The following CRB2 variants were observed in gnomAD, a reference collection of about 807,000 sequenced individuals.
The protein encoded by CRB2 is protein crumbs homolog 2.
CRB2 carries 85 observed loss-of-function variants against 110.9 expected under a neutral mutation model. The observed-to-expected ratio is 0.77, with a 90% CI of 0.64 to 0.92. CRB2 has a LOEUF of 0.92. Among genes scored for constraint, CRB2 ranks in the 40% least tolerant of loss-of-function variants. The pLI is 0.00. For synonymous variants in CRB2, 907 were observed against 831.0 expected (o/e 1.09, Z -1.57); for missense variants, 1,843 against 1,851.3 (o/e 1.00, Z 0.08).
chr9:123,374,561 C>A lies in CRB2; in HGVS notation c.3390-18C>A, dbSNP rs2042073984. 3.8e-6 allele frequency: 6 copies of A among 1,593,326 alleles called. No individual in the cohort carries two copies. In the East Asian group the frequency reaches 1.1e-4, roughly 30 times the overall value. On this transcript the variant is annotated intron_variant, in intron 10 of 12. Coordinates refer to ENST00000373631, the MANE Select transcript of CRB2 (RefSeq NM_173689.7). Reference sequence around the variant, plus strand: ...CCCAGGTGTCCTGCACCCACTCCAGCCTCTGCTCTCTCCCCAGGTTGCCTG... The same window carrying A: ...CCCAGGTGTCCTGCACCCACTCCAGACTCTGCTCTCTCCCCAGGTTGCCTG...
intron 6 of CRB2, among the ~76,000 whole-genome samples, chr9:123,369,563 A>G (rs371223336): frequency 6.6e-6 from 1 of 152,144 alleles, no homozygotes; most frequent in South Asian, 2.1e-4. Context: ...CAGTATGAGC[A>G]AAGCCCCAGA....
Position 123,357,463 on chromosome 9 carries a change from C to T in CRB2, c.94+1109C>T, listed in dbSNP as rs114416084. 4.5e-3 allele frequency among the ~76,000 whole-genome samples: 687 copies of T among 152,216 alleles called. 6 individuals are homozygous for T. Among genetic ancestry groups the T allele is most frequent in the African/African-American group, 0.013 (560 of 41,522 alleles). ...CCCACCTGGGGACCCTCATGTTTCC[C>T]GCACTCACAAAGCTTTCATTTCCTA... On this transcript the variant is annotated intron_variant, in intron 1 of 12. Coordinates refer to ENST00000373631, the MANE Select transcript of CRB2 (RefSeq NM_173689.7).
rs1588206528 is a variant in CRB2, at chr9:123,363,249, G to A, written c.418+61G>A. The A allele has an allele frequency of 2.4e-5, 36 of 1,498,318 alleles. No homozygotes were observed. In the East Asian group the frequency reaches 7.8e-4, roughly 33 times the overall value. 92.8% of individuals were successfully genotyped at this position (1,498,318 alleles called of 1,614,324 possible). A position where few individuals can be genotyped will look rare whatever the true frequency, so the allele number is the denominator to read the frequency against. On this transcript the variant is annotated intron_variant, in intron 2 of 12. Coordinates refer to ENST00000373631, the MANE Select transcript of CRB2 (RefSeq NM_173689.7). The stretch of plus-strand genomic sequence containing the variant: ...ATGCAGATCGCATCAGCTGCTCAGA[G>A]TGTAAGCATCATGGCTTCAGCTTTG...
intron 6 of CRB2, 73 bp downstream of exon 6, chr9:123,367,759 G>A: frequency 2.0e-6 from 2 of 999,960 alleles, no homozygotes; most frequent in Non-Finnish European, 1.5e-6. Flanking sequence ...CTTCTGTCTG[G>A]ATGTGTGGAT....
In CRB2 at chr9:123,366,016, C is replaced by T. The variant is rs769325772; in HGVS notation, c.518C>T (p.Ala173Val). The T allele has an allele frequency of 8.5e-5, 136 of 1,593,152 alleles. No individual in the cohort carries two copies. The highest frequency in any genetic ancestry group is 1.1e-4 in the Non-Finnish European group (133 of 1,177,066). ...GTGGGCTCCTTCCGCTGTGTGTGCG[C>T]GCCAGGCTACGGGGGCACCCGTTGC... ...DGVGSFRCVC[A>V]PGYGGTRCQL... Residue 173 changes from alanine (A) to valine (V), a missense_variant, in exon 3 of 13, where the codon GCG (alanine) becomes GTG (valine). Physicochemically the swap from Ala to Val is moderately conservative, Grantham distance 64. Transcript: ENST00000373631.
rs897580232 is a variant in CRB2, at chr9:123,373,760, G to A, written c.3229G>A (p.Ala1077Thr). The change falls in exon 10 of 13, where the codon GCC (alanine) becomes ACC (threonine). Residue 1077 changes from alanine to threonine, a missense_variant. Transcript: ENST00000373631. Reference protein sequence around the residue: ...HDGACRDLFDAFACACGPGWE... With the variant: ...HDGACRDLFDTFACACGPGWE... ...CGGTGCCTGCCGTGACCTCTTCGAC[G>A]CCTTTGCCTGCGCCTGCGGCCCGGG... is the stretch of plus-strand genomic sequence containing the variant. 13 of 1,590,240 alleles carry A rather than the reference G, an allele frequency of 8.2e-6. No homozygotes were observed. The highest frequency in any genetic ancestry group is 3.3e-5 in the South Asian group (3 of 89,928).
In CRB2 at chr9:123,366,516, C is replaced by T. The variant is rs991026890; in HGVS notation, c.754+150C>T. 19 of 1,030,322 alleles carry T rather than the reference C, an allele frequency of 1.8e-5. No homozygotes were observed. The African/African-American group carries it at 3.1e-4, about 17-fold the overall frequency. The allele number at this position is 1,030,322 out of a possible 1,614,324, so 63.8% of individuals were successfully genotyped here. ...GTGTGTGATTGCAACCTGTCGGAGC[C>T]TCAGTTTCCTGATCTACAAAATAGG... On this transcript the variant is annotated intron_variant, in intron 4 of 12. Transcript: ENST00000373631.
intron 8 of CRB2, 63 bp from the exon 9 acceptor site, chr9:123,372,114 C>A: frequency 3.9e-6 from 6 of 1,528,096 alleles, no homozygotes; most frequent in Non-Finnish European, 5.4e-6. Context: ...CACTGCAATG[C>A]CAGTTATGGT....
Position 123,375,198 on chromosome 9 carries a change from AG to A in CRB2, c.3507-18del. On this transcript the variant is annotated intron_variant, in intron 11 of 12. Transcript: ENST00000373631. The stretch of plus-strand genomic sequence containing the variant: ...CAGCCATGGGGGAAGCCGCTTTCTC[AG>A]CCCCCCTCCCTCTCCAGGTGTCAGG... The A allele has an allele frequency of 6.2e-7, 1 of 1,611,138 alleles. No individual in the cohort carries two copies. The highest frequency in any genetic ancestry group is 8.5e-7 in the Non-Finnish European group (1 of 1,178,984).
In CRB2 at chr9:123,373,130, G is replaced by A. The variant is rs1564376612; in HGVS notation, c.2603-4G>A. On this transcript the variant is annotated splice_region_variant and splice_polypyrimidine_tract_variant and intron_variant, in intron 9 of 12. Coordinates refer to ENST00000373631, the MANE Select transcript of CRB2 (RefSeq NM_173689.7). Reference sequence around the variant, plus strand: ...CTATTCCCTGAGGCTCCTTCTCTCCGCAGGTGTGGCGGAGGCCACGTTCCG... The same window carrying A: ...CTATTCCCTGAGGCTCCTTCTCTCCACAGGTGTGGCGGAGGCCACGTTCCG... The A allele has an allele frequency of 5.3e-6, 8 of 1,497,328 alleles. No individual in the cohort carries two copies. Among genetic ancestry groups the A allele is most frequent in the East Asian group, 2.8e-5 (1 of 35,798 alleles). The allele number at this position is 1,497,328 out of a possible 1,614,324, so 92.8% of individuals were successfully genotyped here.
At chr9:123,375,946 G>C (rs961916075) in intron 12 of CRB2, among the ~76,000 whole-genome samples, 2 of 152,088 alleles carry the variant, frequency 1.3e-5, no homozygotes, top group South Asian at 2.1e-4. Flanking sequence ...GCTTGGAAGG[G>C]AAGTCTGGGG....
In CRB2 at chr9:123,363,140, C is replaced by T. The variant is rs148573710; in HGVS notation, c.370C>T (p.Arg124Cys). ...SRPCHHGATCRNLADRYECHC... is the reference protein window; with the variant it reads ...SRPCHHGATCCNLADRYECHC... ...GCCGTGCCACCATGGGGCCACCTGC[C>T]GCAACCTGGCCGATCGCTACGAGTG... Residue 124 changes from arginine to cysteine, a missense_variant, in exon 2 of 13, where the codon CGC becomes TGC. Arg to Cys is a radical substitution (Grantham distance 180). Coordinates refer to ENST00000373631, the MANE Select transcript of CRB2 (RefSeq NM_173689.7). 81 of 1,610,826 alleles carry T rather than the reference C, an allele frequency of 5.0e-5. No individual in the cohort carries two copies. The highest frequency in any genetic ancestry group is 6.3e-5 in the Non-Finnish European group (74 of 1,179,248).
chr9:123,363,251 G>GT (rs775858166), intron 2 of CRB2, 63 bp downstream of exon 2: 43 of 1,493,064 alleles, frequency 2.9e-5, no homozygotes, highest in Non-Finnish European at 3.8e-5. Context: ...TGCTCAGAGT[G>GT]TAAGCATCAT....
rs143634998 is a variant in CRB2 at position 123,374,631 on chromosome 9, A to G, written c.3442A>G (p.Ser1148Gly). Residue 1148 changes from serine to glycine, a missense_variant, in exon 11 of 13, where the codon AGC (serine) becomes GGC (glycine). Transcript: ENST00000373631. ...CCTGAATGTCACCTGCCTCGATGGC[A>G]GCCCATGTGAGGGTGGCTCTCCCGC... Reference protein sequence around the residue: ...CSLNVTCLDGSPCEGGSPAAN... With the variant: ...CSLNVTCLDGGPCEGGSPAAN... 70 of 1,613,196 alleles carry G rather than the reference A, an allele frequency of 4.3e-5. No homozygotes were observed. The highest frequency in any genetic ancestry group is 8.3e-5 in the Admixed American group (5 of 59,980).
intron 1 of CRB2, 85 bp downstream of exon 1, chr9:123,356,439 TG>T: frequency 9.0e-7 from 1 of 1,114,488 alleles, no homozygotes. Context: ...GCTGGGGTGG[TG>T]GGTGGGCTGG....
intron 1 of CRB2, among the ~76,000 whole-genome samples, chr9:123,361,588 G>A (rs1209320595): frequency 8.9e-6 from 1 of 111,878 alleles, no homozygotes; most frequent in Non-Finnish European, 1.8e-5. Context: ...TGGGGGAGGG[G>A]CACCTTTGGG....
chr9:123,367,370 T>G lies in CRB2; in HGVS notation c.940+13T>G. ...CCTGGCTTTGAGGGTGAGCCCCTGC[T>G]GGGGAAGCGGTCAGCCCATGTCCAG... On this transcript the variant is annotated intron_variant, in intron 5 of 12. Transcript: ENST00000373631. 6.3e-7 allele frequency: 1 copy of G among 1,594,942 alleles called. No homozygotes were observed. Among genetic ancestry groups the G allele is most frequent in the East Asian group, 2.2e-5 (1 of 44,686 alleles).
intron 9 of CRB2, 34 bp from the exon 10 acceptor site, chr9:123,373,100 G>A (rs750176976): frequency 6.9e-6 from 10 of 1,444,514 alleles, no homozygotes; most frequent in African/African-American, 6.0e-5. Flanking sequence ...AGAAGGCTCC[G>A]TGGGCTATTC....
In CRB2 at chr9:123,356,290, C is replaced by A; in HGVS notation, c.30C>A (p.Asp10Glu). 1 of 1,540,590 alleles carries A rather than the reference C, an allele frequency of 6.5e-7. No homozygotes were observed. ...CGCTGGCCAGGCCTGGGACCCCGGA[C>A]CCCCAGGCCCTGGCCTCTGTCCTGC... MALARPGTP[D>E]PQALASVLLL... Residue 10 changes from aspartate (D) to glutamate (E), a missense_variant, in exon 1 of 13, where the codon GAC becomes GAA. Asp to Glu is a conservative substitution (Grantham distance 45). Transcript: ENST00000373631.
Sources: allele counts gnomAD v4.1 joint callset (sites outside exome capture counted in the v4.1 genomes callset), GRCh38; gene constraint gnomAD v4.1.1; transcripts MANE v1.5; gene names NCBI Gene and HGNC (gene_info 2026-07-23, HGNC 2026-07-21).